The following PHF21A variants were observed in gnomAD, a reference collection of about 807,000 sequenced individuals.
The protein encoded by PHF21A is PHD finger protein 21A.
In PHF21A, 11 loss-of-function variants were observed where a neutral mutation model predicts 82.5. The observed-to-expected ratio is 0.13, with a 90% CI of 0.08 to 0.22. The LOEUF (loss-of-function observed/expected upper bound fraction) is 0.22, where lower values mean the gene tolerates loss of function less well. Among genes scored for constraint, PHF21A ranks in the 10% least tolerant of loss-of-function variants. The probability of loss-of-function intolerance (pLI) is 1.00; values close to 1 mark genes in which losing one functional copy is unlikely to be tolerated. For synonymous variants in PHF21A, 297 were observed against 302.8 expected (o/e 0.98, Z 0.20); for missense variants, 579 against 837.8 (o/e 0.69, Z 3.81).
At chr11:46,022,626 T>C (rs1417803850) in intron 6 of PHF21A, among the ~76,000 whole-genome samples, 1 of 152,062 alleles carries the variant, frequency 6.6e-6, no homozygotes, top group African/African-American at 2.4e-5. Flanking sequence ...CATGCCAGTG[T>C]AGTTTAATAT....
intron 6 of PHF21A, among the ~76,000 whole-genome samples, chr11:46,025,613 T>C (rs1418109778): frequency 1.3e-5 from 2 of 152,204 alleles, no homozygotes; most frequent in Non-Finnish European, 2.9e-5. Context: ...TTTAAAAAAT[T>C]TTCACTTTGA....
chr11:46,084,428 A>AT (rs540260739), intron 3 of PHF21A, 126 bp from the exon 4 acceptor site: 25 of 434,576 alleles, frequency 5.8e-5, no homozygotes, highest in Admixed American at 2.2e-4. Flanking sequence ...TCCCAAAGAG[A>AT]TTTTTTTTCC....
chr11:46,009,162 C>A (rs1427092332), intron 6 of PHF21A, among the ~76,000 whole-genome samples: 2 of 151,796 alleles, frequency 1.3e-5, no homozygotes, highest in Non-Finnish European at 2.9e-5. Flanking sequence ...TTAGTAGAGA[C>A]AGGGTTTCAC....
At chr11:45,973,039 T>C (rs990522911) in intron 7 of PHF21A, among the ~76,000 whole-genome samples, 1 of 152,114 alleles carries the variant, frequency 6.6e-6, no homozygotes, top group Non-Finnish European at 1.5e-5. Flanking sequence ...GATCACACCA[T>C]TGCACTCCAG....
chr11:45,945,623 T>C (rs904234702), intron 15 of PHF21A, among the ~76,000 whole-genome samples: 22 of 152,114 alleles, frequency 1.4e-4, no homozygotes, highest in African/African-American at 5.1e-4. Context: ...GCTGGCTGAG[T>C]TCCATGAGGT....
intron 6 of PHF21A, among the ~76,000 whole-genome samples, chr11:45,993,897 AT>A (rs2094809547): frequency 6.6e-6 from 1 of 152,006 alleles, no homozygotes; most frequent in African/African-American, 2.4e-5. Context: ...TCTGAGATGA[AT>A]TTCCTAGAAA....
intron 6 of PHF21A, among the ~76,000 whole-genome samples, chr11:46,061,679 C>T (rs2096536670): frequency 6.6e-6 from 1 of 152,180 alleles, no homozygotes; most frequent in Non-Finnish European, 1.5e-5. Context: ...CCTAAGTCCT[C>T]CATCCTCCTG....
chr11:46,063,738 T>C (rs1458295072), intron 6 of PHF21A, among the ~76,000 whole-genome samples: 1 of 152,164 alleles, frequency 6.6e-6, no homozygotes, highest in African/African-American at 2.4e-5. Flanking sequence ...ACTAGAAATT[T>C]AAAGAGTTAT....
chr11:45,973,804 C>T (rs1307745370), intron 7 of PHF21A, among the ~76,000 whole-genome samples: 1 of 152,138 alleles, frequency 6.6e-6, no homozygotes, highest in Non-Finnish European at 1.5e-5. Flanking sequence ...GCGTTCAATC[C>T]AGTGCTATCG....
chr11:46,092,021 A>T (rs550200592), intron 2 of PHF21A, among the ~76,000 whole-genome samples, 162 bp downstream of exon 2: 7 of 152,132 alleles, frequency 4.6e-5, no homozygotes, highest in Non-Finnish European at 8.8e-5. Flanking sequence ...AAGTATAGCT[A>T]CGTGAAATTA....
At chr11:45,992,996 A>G (rs1469432220) in intron 6 of PHF21A, among the ~76,000 whole-genome samples, 1 of 152,192 alleles carries the variant, frequency 6.6e-6, no homozygotes, top group African/African-American at 2.4e-5. Flanking sequence ...ACTGAAAACT[A>G]CCTTGCTGAA....
chr11:45,934,996 T>G, intron 18 of PHF21A: 1 of 692,632 alleles, frequency 1.4e-6, no homozygotes, highest in South Asian at 1.4e-5. Flanking sequence ...GTCACTTCAC[T>G]CCAACAAGGG....
intron 1 of PHF21A, among the ~76,000 whole-genome samples, chr11:46,093,948 A>C (rs1446538685): frequency 6.6e-6 from 1 of 152,228 alleles, no homozygotes; most frequent in East Asian, 1.9e-4. Flanking sequence ...AAAGACTGAT[A>C]AATTGGACAA....
At chr11:45,990,089 T>C (rs540880218) in intron 6 of PHF21A, among the ~76,000 whole-genome samples, 1 of 152,158 alleles carries the variant, frequency 6.6e-6, no homozygotes, top group East Asian at 1.9e-4. Context: ...CAAAATCTAA[T>C]TACAAAATCT....
At position 45,933,066 on chromosome 11, in the gene PHF21A, T is replaced by C. The variant is rs1375129235; in HGVS notation, c.*902A>G. On this transcript the variant is annotated 3_prime_UTR_variant, in exon 19 of 19. Coordinates refer to ENST00000676320, the MANE Select transcript of PHF21A (RefSeq NM_001352027.3). ...TGCTTCACTCAAGATCTTCTCTTCT[T>C]ATAAATATAGAAAAGGGATGGAGCT... is the stretch of plus-strand genomic sequence containing the variant. 6.6e-6 allele frequency: 1 copy of C among 152,644 alleles called. No individual in the cohort carries two copies. The highest frequency in any genetic ancestry group is 2.4e-5 in the African/African-American group (1 of 41,466). The allele number at this position is 152,644 out of a possible 1,614,324, so 9.5% of individuals were successfully genotyped here.
intron 6 of PHF21A, among the ~76,000 whole-genome samples, chr11:45,981,940 CT>C (rs754937092): frequency 0.14 from 10,674 of 78,318 alleles, 73 homozygotes; most frequent in East Asian, 0.34. Context: ...TTTTGTTTTT[CT>C]TTTTTTTTTT....
chr11:46,066,390 AAT>A (rs1388589552), intron 6 of PHF21A, among the ~76,000 whole-genome samples: 3 of 152,208 alleles, frequency 2.0e-5, no homozygotes, highest in African/African-American at 7.2e-5. Flanking sequence ...TTTAAAAATT[AAT>A]ATGTGTTCCT....
At chr11:45,982,971 T>C (rs1381702267) in intron 6 of PHF21A, among the ~76,000 whole-genome samples, 1 of 152,148 alleles carries the variant, frequency 6.6e-6, no homozygotes, top group Non-Finnish European at 1.5e-5. Context: ...GGAAACACAA[T>C]GTGCTCTCCT....
intron 6 of PHF21A, among the ~76,000 whole-genome samples, chr11:46,046,017 G>A (rs1308963611): frequency 6.6e-6 from 1 of 152,238 alleles, no homozygotes; most frequent in Non-Finnish European, 1.5e-5. Context: ...CACAAAAAGA[G>A]TCTGTCTTAT....
Sources: gnomAD v4.1 joint callset for allele counts (sites outside exome capture counted in the v4.1 genomes callset) on GRCh38, gnomAD v4.1.1 for gene constraint, MANE v1.5 for transcripts, NCBI Gene and HGNC (gene_info 2026-07-23, HGNC 2026-07-21) for gene names.